Variants in LY75 observed in about 807,000 individuals in gnomAD.
LY75 encodes C-type lectin domain family 13 member B.
Under a neutral mutation model 231.7 loss-of-function variants are expected in LY75, and 185 were observed. The observed-to-expected ratio is 0.80, with a 90% CI of 0.71 to 0.90. LY75 has a LOEUF of 0.90. Ranked by LOEUF, LY75 falls within the 40% of genes least tolerant of loss-of-function variation. LY75 has a pLI of 0.00. For missense variants in LY75, 1,947 were observed against 2,050.2 expected, an observed-to-expected ratio of 0.95 and a Z score of 0.97; for synonymous variants, 668 against 689.0, an observed-to-expected ratio of 0.97 and a Z score of 0.48.
At chr2:159,821,032 G>T (rs1234469033) in intron 28 of LY75, among the ~76,000 whole-genome samples, 1 of 152,020 alleles carries the variant, frequency 6.6e-6, no homozygotes, top group African/African-American at 2.4e-5. Flanking sequence ...TAGAGATGGG[G>T]TTTCACCCTC....
chr2:159,839,236 G>A lies in LY75; in HGVS notation c.3507+1493C>T, dbSNP rs112850504. ...TCAGTTCAATTCTGAGTCTTCAATC[G>A]CATTTTTTCCATGCATCCCTAGACC... On this transcript the variant is annotated intron_variant, in intron 25 of 34. Transcript: ENST00000263636. Among the ~76,000 whole-genome samples the A allele has an allele frequency of 3.0e-3, 456 of 152,150 alleles. 2 individuals are homozygous for A. In the Middle Eastern group the frequency reaches 0.044, roughly 15 times the overall value.
chr2:159,852,388 G>A (rs201005363), intron 20 of LY75, 48 bp from the exon 21 acceptor site: 107 of 1,557,516 alleles, frequency 6.9e-5, no homozygotes, highest in Middle Eastern at 2.0e-4. Flanking sequence ...TTTTCAGTCA[G>A]TACATTTTTA....
In LY75 at chr2:159,819,712, T is replaced by G. The variant is rs757287168; in HGVS notation, c.4153+14A>C. 28 of 1,584,998 alleles carry G rather than the reference T, an allele frequency of 1.8e-5. No individual in the cohort carries two copies. In the South Asian group the frequency reaches 3.2e-4, roughly 18 times the overall value. On this transcript the variant is annotated intron_variant, in intron 29 of 34. Transcript: ENST00000263636. Reference sequence around the variant, plus strand: ...CCTGGAGTGAAAGAAAACTCTATATTTTACTATACTTACCCATTTCAATTT... The same window carrying G: ...CCTGGAGTGAAAGAAAACTCTATATGTTACTATACTTACCCATTTCAATTT...
chr2:159,813,612 C>A (rs761731773), intron 31 of LY75, among the ~76,000 whole-genome samples: 1 of 152,238 alleles, frequency 6.6e-6, no homozygotes, highest in South Asian at 2.1e-4. Flanking sequence ...TTTGTCATCA[C>A]GTGGACTTTT....
intron 11 of LY75, among the ~76,000 whole-genome samples, chr2:159,877,668 G>A (rs1027791707): frequency 1.5e-4 from 23 of 152,066 alleles, no homozygotes; most frequent in African/African-American, 4.6e-4. Flanking sequence ...TCAGGAGATC[G>A]AGACCAGCCT....
intron 27 of LY75, among the ~76,000 whole-genome samples, chr2:159,833,221 G>T (rs1181266072): frequency 6.8e-6 from 1 of 148,142 alleles, no homozygotes; most frequent in Non-Finnish European, 1.5e-5. Context: ...TCAACCTCTT[G>T]GGTTCAAAGA....
At chr2:159,848,410 A>G (rs1684284071) in intron 23 of LY75, among the ~76,000 whole-genome samples, 1 of 152,056 alleles carries the variant, frequency 6.6e-6, no homozygotes, top group South Asian at 2.1e-4. Context: ...TTAGGAGGAA[A>G]GGATGGGAAG....
chr2:159,882,856 G>C (rs536979036), intron 6 of LY75, among the ~76,000 whole-genome samples: 1 of 152,148 alleles, frequency 6.6e-6, no homozygotes, highest in African/African-American at 2.4e-5. Context: ...AGAGATGAGA[G>C]GGCAAAGGTT....
At chr2:159,874,650 T>TA (rs1491498095) in intron 12 of LY75, among the ~76,000 whole-genome samples, 1 of 100,102 alleles carries the variant, frequency 1.0e-5, no homozygotes, top group African/African-American at 3.5e-5. Context: ...AATATATATA[T>TA]TTTGTAAATA....
chr2:159,835,413 C>T, intron 26 of LY75, 67 bp downstream of exon 26: 1 of 1,433,210 alleles, frequency 7.0e-7, no homozygotes, highest in South Asian at 1.6e-5. Context: ...AAAACCACTC[C>T]TCAGAAATTC....
chr2:159,885,430 C>T (rs1209435748), intron 5 of LY75, 137 bp from the exon 6 acceptor site: 24 of 1,045,136 alleles, frequency 2.3e-5, no homozygotes, highest in Non-Finnish European at 3.0e-5. Flanking sequence ...TAAATTGAAA[C>T]GTATAAGCCT....
intron 29 of LY75, among the ~76,000 whole-genome samples, chr2:159,819,172 T>C (rs948892813): frequency 3.9e-5 from 6 of 152,136 alleles, no homozygotes; most frequent in African/African-American, 1.4e-4. Flanking sequence ...TTGGGCACAG[T>C]GGGAGTAATG....
intron 33 of LY75, 122 bp from the exon 34 acceptor site, chr2:159,807,262 A>G (rs1682819691): frequency 1.7e-6 from 2 of 1,174,244 alleles, no homozygotes; most frequent in Admixed American, 3.0e-5. Flanking sequence ...TTAAAATAAA[A>G]TGCATTAAAA....
chr2:159,904,551 C>T (rs1165413820), intron 1 of LY75, 38 bp downstream of exon 1: 1 of 1,497,974 alleles, frequency 6.7e-7, no homozygotes, highest in Non-Finnish European at 8.9e-7. Flanking sequence ...GGCGTCGAGG[C>T]ACCCAGCGGA....
chr2:159,850,791 T>TATATATAGATATATATATATATATAAAA (rs1553805730), intron 21 of LY75, among the ~76,000 whole-genome samples: 1 of 94,510 alleles, frequency 1.1e-5, no homozygotes, highest in African/African-American at 4.0e-5. Context: ...TATATATATA[T>TATATATAGATATATATATATATATAAAA]ATATATATTA....
At chr2:159,876,261 C>T (rs1234452042) in intron 11 of LY75, among the ~76,000 whole-genome samples, 4 of 152,158 alleles carry the variant, frequency 2.6e-5, no homozygotes, top group African/African-American at 9.7e-5. Flanking sequence ...TGCCCACAGT[C>T]AGAGTTAGTG....
At chr2:159,819,322 G>C (rs1017498785) in intron 29 of LY75, among the ~76,000 whole-genome samples, 1 of 152,050 alleles carries the variant, frequency 6.6e-6, no homozygotes, top group African/African-American at 2.4e-5. Flanking sequence ...GTTAAAACTC[G>C]TTCCCCAAAC....
chr2:159,816,682 G>A (rs1683127127), intron 30 of LY75, 124 bp downstream of exon 30: 1 of 1,361,082 alleles, frequency 7.3e-7, no homozygotes, highest in Non-Finnish European at 9.9e-7. Context: ...AAAGCACCAT[G>A]CTATGCAAGC....
intron 1 of LY75, among the ~76,000 whole-genome samples, chr2:159,901,819 A>G (rs1686089857): frequency 6.6e-6 from 1 of 152,238 alleles, no homozygotes; most frequent in South Asian, 2.1e-4. Flanking sequence ...ACAGATCTTA[A>G]TTATTGATAT....
Sources: gnomAD v4.1 joint callset for allele counts (sites outside exome capture counted in the v4.1 genomes callset) on GRCh38, gnomAD v4.1.1 for gene constraint, MANE v1.5 for transcripts, NCBI Gene and HGNC (gene_info 2026-07-23, HGNC 2026-07-21) for gene names.